LNX1: variants seen among roughly 807,000 people sequenced by gnomAD.
The protein encoded by LNX1 is E3 ubiquitin-protein ligase LNX.
LNX1 carries 54 observed loss-of-function variants against 68.4 expected under a neutral mutation model. The observed-to-expected ratio is 0.79, with a 90% CI of 0.63 to 0.99. LNX1 has a LOEUF of 0.99. LNX1 is among the 50% of genes least tolerant of loss of function. The pLI, the probability that LNX1 is intolerant of heterozygous loss-of-function variation, is 0.00. For synonymous variants in LNX1, 336 were observed against 350.0 expected (o/e 0.96, Z 0.45); for missense variants, 906 against 926.4 (o/e 0.98, Z 0.29).
intron 1 of LNX1, among the ~76,000 whole-genome samples, chr4:53,646,060 C>G (rs1734873934): frequency 6.6e-6 from 1 of 152,126 alleles, no homozygotes; most frequent in African/African-American, 2.4e-5. Flanking sequence ...GCTTTGGTTG[C>G]CAGGAAGCTC....
At chr4:53,555,033 C>T (rs1334900128) in intron 2 of LNX1, among the ~76,000 whole-genome samples, 1 of 152,030 alleles carries the variant, frequency 6.6e-6, no homozygotes, top group East Asian at 1.9e-4. Flanking sequence ...GTCTGTGCAT[C>T]TGGAAAAACA....
At chr4:53,641,247 T>A (rs1370081430) in intron 1 of LNX1, among the ~76,000 whole-genome samples, 1 of 152,220 alleles carries the variant, frequency 6.6e-6, no homozygotes, top group Non-Finnish European at 1.5e-5. Context: ...AGGAGGGATT[T>A]CTAGCTATGC....
chr4:53,471,770 A>G (rs1723205313), intron 9 of LNX1, among the ~76,000 whole-genome samples: 2 of 152,240 alleles, frequency 1.3e-5, no homozygotes, highest in South Asian at 4.1e-4. Flanking sequence ...AGAAATGCAA[A>G]TCAAAACCAC....
intron 2 of LNX1, among the ~76,000 whole-genome samples, chr4:53,531,997 G>A (rs1390641704): frequency 2.6e-5 from 4 of 152,148 alleles, no homozygotes; most frequent in African/African-American, 9.7e-5. Flanking sequence ...GAGTTAACAG[G>A]CTCTGGTGCA....
chr4:53,506,472 G>T (rs2109510524), intron 4 of LNX1, among the ~76,000 whole-genome samples: 1 of 152,220 alleles, frequency 6.6e-6, no homozygotes, highest in Middle Eastern at 3.4e-3. Context: ...GAATTCTACA[G>T]CCATGTTACC....
chr4:53,575,609 G>T, intron 1 of LNX1: 1 of 1,298,258 alleles, frequency 7.7e-7, no homozygotes, highest in Non-Finnish European at 9.8e-7. Flanking sequence ...TCCCACCTTG[G>T]GACCAGGCCC....
At position 53,540,411 on chromosome 4, in the gene LNX1, C is replaced by G. The variant is rs371772139; in HGVS notation, c.381-32184G>C. Among the ~76,000 whole-genome samples the G allele has an allele frequency of 1.4e-4, 22 of 151,980 alleles. 1 individual carries two copies. The South Asian group carries it at 4.6e-3, about 32-fold the overall frequency. On this transcript the variant is annotated intron_variant, in intron 2 of 10. Transcript: ENST00000263925. Reference sequence around the variant, plus strand: ...CCCCAGAAAAGATAGTGAGGCTTTACTTGAGTGTGCTCCAACTCAACCTCA... The same window carrying G: ...CCCCAGAAAAGATAGTGAGGCTTTAGTTGAGTGTGCTCCAACTCAACCTCA...
chr4:53,595,557 T>C (rs1417222594), upstream of LNX1, among the ~76,000 whole-genome samples: 2 of 152,238 alleles, frequency 1.3e-5, no homozygotes, highest in Non-Finnish European at 2.9e-5. Flanking sequence ...GCAAGCCTCT[T>C]TTGCAGTCAA....
intron 2 of LNX1, among the ~76,000 whole-genome samples, chr4:53,565,759 A>C (rs1267462490): frequency 6.7e-6 from 1 of 149,550 alleles, no homozygotes; most frequent in Non-Finnish European, 1.5e-5. Context: ...AAAAAAATTT[A>C]GAAGAATGTA....
intron 2 of LNX1, among the ~76,000 whole-genome samples, chr4:53,521,614 C>T (rs1361575933): frequency 1.3e-5 from 2 of 152,172 alleles, no homozygotes; most frequent in Non-Finnish European, 2.9e-5. Flanking sequence ...AATGAGCTTC[C>T]TCTTCCCTCC....
At chr4:53,643,479 G>A (rs1356721981) in intron 1 of LNX1, among the ~76,000 whole-genome samples, 1 of 152,046 alleles carries the variant, frequency 6.6e-6, no homozygotes, top group Non-Finnish European at 1.5e-5. Flanking sequence ...ATCTAATCAG[G>A]TGTCAAGCAG....
chr4:53,503,247 A>G, intron 4 of LNX1, among the ~76,000 whole-genome samples: 1 of 152,210 alleles, frequency 6.6e-6, no homozygotes, highest in Non-Finnish European at 1.5e-5. Context: ...TAATGTTCTT[A>G]ATGGCATGTA....
chr4:53,575,767 A>T, intron 1 of LNX1: 3 of 1,561,408 alleles, frequency 1.9e-6, no homozygotes, highest in Non-Finnish European at 2.6e-6. Flanking sequence ...TGGTAGTCAC[A>T]GTGGCCGAGT....
intron 2 of LNX1, among the ~76,000 whole-genome samples, chr4:53,570,081 T>G (rs538373157): frequency 6.6e-6 from 1 of 151,178 alleles, no homozygotes; most frequent in East Asian, 1.9e-4. Context: ...GTAAACTAGT[T>G]CAACCATTGT....
intron 1 of LNX1, among the ~76,000 whole-genome samples, chr4:53,633,752 G>C (rs1366145877): frequency 6.6e-6 from 1 of 152,164 alleles, no homozygotes; most frequent in African/African-American, 2.4e-5. Context: ...TGGGCCAAGT[G>C]GTGGCCCAGA....
intron 2 of LNX1, among the ~76,000 whole-genome samples, chr4:53,553,933 A>C (rs1729696445): frequency 6.6e-6 from 1 of 152,230 alleles, no homozygotes; most frequent in African/African-American, 2.4e-5. Context: ...TATAGCAGAC[A>C]CACCTGCATG....
chr4:53,494,092 T>C (rs1724886211), intron 6 of LNX1, among the ~76,000 whole-genome samples: 1 of 152,190 alleles, frequency 6.6e-6, no homozygotes, highest in Non-Finnish European at 1.5e-5. Context: ...CACCCAAATC[T>C]CATCTTGAAT....
intron 2 of LNX1, among the ~76,000 whole-genome samples, chr4:53,559,454 T>C (rs1730128644): frequency 6.6e-6 from 1 of 152,168 alleles, no homozygotes; most frequent in Non-Finnish European, 1.5e-5. Flanking sequence ...AGCTTGAGGT[T>C]AGAGTTCTAG....
intron 1 of LNX1, chr4:53,575,752 C>T: frequency 6.4e-7 from 1 of 1,554,284 alleles, no homozygotes; most frequent in Non-Finnish European, 8.7e-7. Context: ...ATTGCATCAT[C>T]CTGGTGGTAG....
Sources: allele counts gnomAD v4.1 joint callset (sites outside exome capture counted in the v4.1 genomes callset), GRCh38; gene constraint gnomAD v4.1.1; transcripts MANE v1.5; gene names NCBI Gene and HGNC (gene_info 2026-07-23, HGNC 2026-07-21).